CSF2RB: variants seen among roughly 807,000 people sequenced by gnomAD.
The protein encoded by CSF2RB is cytokine receptor common subunit beta.
CSF2RB carries 22 observed loss-of-function variants against 67.2 expected under a neutral mutation model. That is an observed-to-expected ratio of 0.33 (90% CI 0.23 to 0.47). The LOEUF is 0.47. Among genes scored for constraint, CSF2RB ranks in the 20% least tolerant of loss-of-function variants. The probability of loss-of-function intolerance (pLI) is 1.00; values close to 1 mark genes in which losing one functional copy is unlikely to be tolerated. For missense variants in CSF2RB, 1,113 were observed against 1,174.5 expected (o/e 0.95, Z 0.76); for synonymous variants, 507 against 482.9 (o/e 1.05, Z -0.65).
chr22:36,933,948 G>C lies in CSF2RB; in HGVS notation c.1269G>C (p.Gly423=). Residue 423 remains glycine, a synonymous_variant, in exon 10 of 14, where the codon GGG becomes GGC. Transcript: ENST00000403662. ...GGACCTCCCGCACCGGCTACAACGGGATCTGGAGCGAGTGGAGTGAGGCGC... is the reference window on the plus strand; with the variant it reads ...GGACCTCCCGCACCGGCTACAACGGCATCTGGAGCGAGTGGAGTGAGGCGC... ...RVRTSRTGYN[G]IWSEWSEARS... is the part of the protein sequence containing the mutation. 6.2e-7 allele frequency: 1 copy of C among 1,612,934 alleles called. No homozygotes were observed. Among genetic ancestry groups the C allele is most frequent in the Non-Finnish European group, 8.5e-7 (1 of 1,179,994 alleles).
chr22:36,933,971 C>T lies in CSF2RB; in HGVS notation c.1292C>T (p.Ala431Val), dbSNP rs759452223. 6.2e-6 allele frequency: 10 copies of T among 1,612,798 alleles called. No individual in the cohort carries two copies. Among genetic ancestry groups the T allele is most frequent in the Middle Eastern group, 1.6e-4 (1 of 6,062 alleles). ...GGGATCTGGAGCGAGTGGAGTGAGGCGCGCTCCTGGGACACCGAGTCGGGT... is the reference window on the plus strand; with the variant it reads ...GGGATCTGGAGCGAGTGGAGTGAGGTGCGCTCCTGGGACACCGAGTCGGGT... ...YNGIWSEWSE[A>V]RSWDTESVLP... The change falls in exon 10 of 14, where the codon GCG becomes GTG. Residue 431 changes from alanine to valine, a missense_variant. Ala to Val is a moderately conservative substitution (Grantham distance 64). This residue lies in a region of CSF2RB where 559 missense variants were observed against 656.5 expected (regional missense o/e 0.85). Transcript: ENST00000403662.
chr22:36,932,068 T>C (rs1284543655), intron 8 of CSF2RB, among the ~76,000 whole-genome samples: 1 of 152,218 alleles, frequency 6.6e-6, no homozygotes, highest in African/African-American at 2.4e-5. Flanking sequence ...TGAAGGTTAA[T>C]AGTACCCACC....
At position 36,929,531 on chromosome 22, in the gene CSF2RB, T is replaced by C. The variant is rs1941101926; in HGVS notation, c.521T>C (p.Val174Ala). 6.2e-7 allele frequency: 1 copy of C among 1,613,926 alleles called. No homozygotes were observed. The highest frequency in any genetic ancestry group is 1.3e-5 in the African/African-American group (1 of 74,884). ...CCAGGGGATCTGGAGTTTGAGGTGG[T>C]CTACAAGCGGCTTCAGGACTCTTGG... ...LSPGDLEFEV[V>A]YKRLQDSWED... Residue 174 changes from valine (V) to alanine (A), a missense_variant, in exon 5 of 14, where the codon GTC becomes GCC. Coordinates refer to ENST00000403662, the MANE Select transcript of CSF2RB (RefSeq NM_000395.3).
At chr22:36,929,050 G>A (rs1005875102) in intron 4 of CSF2RB, among the ~76,000 whole-genome samples, 7 of 152,338 alleles carry the variant, frequency 4.6e-5, no homozygotes, top group East Asian at 3.9e-4. Flanking sequence ...GGGGGAGGCC[G>A]CTGAACCGCA....
chr22:36,920,495 T>C (rs950728435), intron 1 of CSF2RB, among the ~76,000 whole-genome samples: 1 of 152,244 alleles, frequency 6.6e-6, no homozygotes, highest in African/African-American at 2.4e-5. Flanking sequence ...CACCTTGATC[T>C]TGAACTTCCC....
chr22:36,931,780 G>A (rs1284088139), intron 8 of CSF2RB, among the ~76,000 whole-genome samples: 1 of 152,210 alleles, frequency 6.6e-6, no homozygotes, highest in Non-Finnish European at 1.5e-5. Context: ...TGTCTGCAAA[G>A]GGCTTCCCTT....
intron 1 of CSF2RB, among the ~76,000 whole-genome samples, chr22:36,921,830 C>T (rs566704130): frequency 2.0e-5 from 3 of 152,178 alleles, no homozygotes; most frequent in African/African-American, 4.8e-5. Flanking sequence ...TGCTGTCTAG[C>T]GCATTGTGCA....
Position 36,923,236 on chromosome 22 carries a change from C to T in CSF2RB, c.77-8C>T. On this transcript the variant is annotated splice_polypyrimidine_tract_variant and splice_region_variant and intron_variant, in intron 2 of 13. Coordinates refer to ENST00000403662, the MANE Select transcript of CSF2RB (RefSeq NM_000395.3). ...AGAGAGGTGACCCCCTTCTACCCCT[C>T]TTGTCAGAAACCATCCCGCTGCAGA... The T allele has an allele frequency of 6.2e-7, 1 of 1,614,170 alleles. No individual in the cohort carries two copies. Among genetic ancestry groups the T allele is most frequent in the Non-Finnish European group, 8.5e-7 (1 of 1,180,006 alleles).
At position 36,933,557 on chromosome 22, in the gene CSF2RB, G is replaced by C. The variant is rs529087496; in HGVS notation, c.1153-275G>C. On this transcript the variant is annotated intron_variant, in intron 9 of 13. Transcript: ENST00000403662. ...CCCAGAAGGGCTGGGAGCTGAGAAG[G>C]CTCAAAATAGGGTGGGACAGGTGGC... 4.6e-4 allele frequency among the ~76,000 whole-genome samples: 70 copies of C among 152,356 alleles called. No homozygotes were observed. In the Middle Eastern group the frequency reaches 0.02, roughly 44 times the overall value.
chr22:36,924,359 T>C (rs1294107504), intron 3 of CSF2RB, among the ~76,000 whole-genome samples: 1 of 150,912 alleles, frequency 6.6e-6, no homozygotes, highest in Non-Finnish European at 1.5e-5. Context: ...GTCCTGTTGC[T>C]CAGGAACATC....
rs2145826501 is a variant in CSF2RB, at chr22:36,937,773, G to A, written c.1965G>A (p.Glu655=). Reference sequence around the variant, plus strand: ...GACCAGGACAGGCCGTGGAAGTGGAGAGAAGGCCGAGCCAGGGGGCTGCAG... The same window carrying A: ...GACCAGGACAGGCCGTGGAAGTGGAAAGAAGGCCGAGCCAGGGGGCTGCAG... The part of the protein sequence containing the change: ...AMGPGQAVEV[E]RRPSQGAAGS... Residue 655 remains glutamate (E), a synonymous_variant, in exon 14 of 14, where the codon GAG becomes GAA. Transcript: ENST00000403662. The surrounding 1 kb of genome is among the most constrained non-coding windows in gnomAD (Gnocchi z 4.6). 1 of 1,578,812 alleles carries A rather than the reference G, an allele frequency of 6.3e-7. No homozygotes were observed. The highest frequency in any genetic ancestry group is 1.1e-5 in the South Asian group (1 of 87,414).
chr22:36,930,605 C>G (rs1569136086), intron 7 of CSF2RB, 68 bp from the exon 8 acceptor site: 1 of 1,611,198 alleles, frequency 6.2e-7, no homozygotes. Context: ...AGCCACAGCC[C>G]ACCCTAAGCT....
In CSF2RB at chr22:36,932,755, C is replaced by T. The variant is rs761178399; in HGVS notation, c.1013-10C>T. On this transcript the variant is annotated splice_polypyrimidine_tract_variant and intron_variant, in intron 8 of 13. Transcript: ENST00000403662. ...TATGATGACTCTCCTGAAAGCTTCC[C>T]TCCCTCCAGTCCAGATGGCCCCTCC... 11 of 1,612,950 alleles carry T rather than the reference C, an allele frequency of 6.8e-6. No individual in the cohort carries two copies. Among genetic ancestry groups the T allele is most frequent in the Non-Finnish European group, 9.3e-6 (11 of 1,179,706 alleles).
intron 3 of CSF2RB, among the ~76,000 whole-genome samples, chr22:36,924,581 G>A (rs983555333): frequency 5.3e-5 from 8 of 152,058 alleles, no homozygotes; most frequent in Non-Finnish European, 1.2e-4. Flanking sequence ...CATTCACCAC[G>A]TCCAGTGTCT....
chr22:36,917,116 T>C (rs1025483110), intron 1 of CSF2RB, among the ~76,000 whole-genome samples: 2 of 152,194 alleles, frequency 1.3e-5, no homozygotes, highest in Non-Finnish European at 1.5e-5. Flanking sequence ...GGTTTGTTTG[T>C]TCATTTAACC....
intron 2 of CSF2RB, chr22:36,922,494 G>A (rs1008546512): frequency 1.3e-5 from 8 of 605,828 alleles, no homozygotes; most frequent in African/African-American, 1.3e-4. Flanking sequence ...AGCTGAGCGT[G>A]TCTGGCTTCC....
At position 36,937,917 on chromosome 22, in the gene CSF2RB, G is replaced by T. The variant is rs774859246; in HGVS notation, c.2109G>T (p.Glu703Asp). 1.9e-6 allele frequency: 3 copies of T among 1,614,044 alleles called. No homozygotes were observed. Among genetic ancestry groups the T allele is most frequent in the African/African-American group, 2.7e-5 (2 of 74,900 alleles). The change falls in exon 14 of 14, where the codon GAG (glutamate) becomes GAT (aspartate). Residue 703 changes from glutamate to aspartate, a missense_variant. Transcript: ENST00000403662. The surrounding 1 kb of genome is among the most constrained non-coding windows in gnomAD (Gnocchi z 4.6). ...TACCCATGAGCTCTGGGGACACTGA[G>T]GACCCTGGAGTGGCCTCTGGTTATG... Reference protein sequence around the residue: ...VAIPMSSGDTEDPGVASGYVS... With the variant: ...VAIPMSSGDTDDPGVASGYVS...
At chr22:36,914,389 ATC>A (rs10534185) in intron 1 of CSF2RB, among the ~76,000 whole-genome samples, 91,373 of 145,538 alleles carry the variant, frequency 0.63, 28,074 homozygotes, top group Admixed American at 0.67. Context: ...CTATCCAGCA[ATC>A]TCTCTCTCTC....
Position 36,939,378 on chromosome 22 carries a change from G to A in CSF2RB, c.*876G>A, listed in dbSNP as rs1347619736. The A allele has an allele frequency of 1.5e-6, 1 of 666,974 alleles. No homozygotes were observed. The highest frequency in any genetic ancestry group is 2.7e-6 in the Non-Finnish European group (1 of 366,256). 41.3% of individuals were successfully genotyped at this position (666,974 alleles called of 1,614,324 possible). On this transcript the variant is annotated 3_prime_UTR_variant, in exon 14 of 14. Transcript: ENST00000403662. ...CCAAACAAAGGAAAATGCCCCAAAG[G>A]CATATATGCTTTAGGGCCTTTGGTC...
Sources: gnomAD v4.1 joint callset for allele counts (sites outside exome capture counted in the v4.1 genomes callset) on GRCh38, gnomAD v4.1.1 for gene constraint, gnomAD v4.1.1 regional missense constraint, Gnocchi (gnomAD v3.1) non-coding constraint, MANE v1.5 for transcripts, NCBI Gene and HGNC (gene_info 2026-07-23, HGNC 2026-07-21) for gene names.